PPP2R5E: variants seen among roughly 807,000 people sequenced by gnomAD.
PPP2R5E encodes protein phosphatase 2 regulatory subunit B'epsilon.
PPP2R5E carries 4 observed loss-of-function variants against 65.3 expected under a neutral mutation model. The observed-to-expected ratio is 0.06, with a 90% CI of 0.03 to 0.14. The LOEUF (loss-of-function observed/expected upper bound fraction) is 0.14. PPP2R5E is among the 10% of genes least tolerant of loss of function. PPP2R5E has a pLI of 1.00. For synonymous variants in PPP2R5E, 183 were observed against 187.4 expected, an observed-to-expected ratio of 0.98 and a Z score of 0.19; for missense variants, 274 against 556.1, an observed-to-expected ratio of 0.49 and a Z score of 5.10.
rs1185037875 is a variant in PPP2R5E, at chr14:63,372,822, A to G, written c.*3187T>C. ...GGACTATCCCACGCATAGGAGGTAC[A>G]AAATAAATTAAACCCTTTCATTTAG... is the stretch of plus-strand genomic sequence containing the variant. On this transcript the variant is annotated 3_prime_UTR_variant, in exon 14 of 14. Transcript: ENST00000337537. The G allele has an allele frequency of 1.3e-5, 2 of 152,206 alleles. No homozygotes were observed. The highest frequency in any genetic ancestry group is 2.4e-5 in the African/African-American group (1 of 41,456). The allele number at this position is 152,206 out of a possible 1,614,324, so 9.4% of individuals were successfully genotyped here.
intron 2 of PPP2R5E, among the ~76,000 whole-genome samples, chr14:63,521,586 C>T (rs1381944989): frequency 6.6e-6 from 1 of 152,106 alleles, no homozygotes; most frequent in Non-Finnish European, 1.5e-5. Context: ...TCGCTTGAAC[C>T]CAGGAGGCAG....
chr14:63,391,968 T>A lies in PPP2R5E; in HGVS notation c.903+4A>T. 1.2e-6 allele frequency: 2 copies of A among 1,610,448 alleles called. No individual in the cohort carries two copies. Among genetic ancestry groups the A allele is most frequent in the East Asian group, 2.2e-5 (1 of 44,796 alleles). Reference sequence around the variant, plus strand: ...GTTTTTGAAATTATGGAAAAAAGACTTACTGGTTCTGTGAGTGAAGGATCT... The same window carrying A: ...GTTTTTGAAATTATGGAAAAAAGACATACTGGTTCTGTGAGTGAAGGATCT... On this transcript the variant is annotated splice_donor_region_variant and intron_variant, in intron 9 of 13. Coordinates refer to ENST00000337537, the MANE Select transcript of PPP2R5E (RefSeq NM_006246.5).
chr14:63,385,505 C>T (rs999765992), intron 11 of PPP2R5E, among the ~76,000 whole-genome samples: 8 of 152,156 alleles, frequency 5.3e-5, no homozygotes, highest in African/African-American at 1.7e-4. Context: ...TTTTTCATCA[C>T]ACACACTTAG....
chr14:63,400,355 T>G (rs1050310095), intron 5 of PPP2R5E, among the ~76,000 whole-genome samples: 1 of 151,954 alleles, frequency 6.6e-6, no homozygotes, highest in Non-Finnish European at 1.5e-5. Context: ...AGAAGTGGAG[T>G]GATCAGCAAA....
At chr14:63,478,560 T>C (rs1890525167) in intron 2 of PPP2R5E, among the ~76,000 whole-genome samples, 2 of 150,250 alleles carry the variant, frequency 1.3e-5, no homozygotes, top group African/African-American at 2.5e-5. Context: ...CCTGCAACAG[T>C]ACAGGTAATG....
At chr14:63,513,606 G>T (rs977194085) in intron 2 of PPP2R5E, among the ~76,000 whole-genome samples, 5 of 152,166 alleles carry the variant, frequency 3.3e-5, no homozygotes, top group Non-Finnish European at 7.4e-5. Flanking sequence ...TAGAGGTGGG[G>T]AGGGGTTCCT....
At chr14:63,465,909 T>C (rs1889770640) in intron 2 of PPP2R5E, among the ~76,000 whole-genome samples, 3 of 152,174 alleles carry the variant, frequency 2.0e-5, no homozygotes, top group Admixed American at 2.0e-4. Flanking sequence ...AGAAAAAAGA[T>C]TATTTTTTAT....
intron 2 of PPP2R5E, among the ~76,000 whole-genome samples, chr14:63,525,943 G>A (rs1277673035): frequency 2.6e-5 from 4 of 152,060 alleles, no homozygotes; most frequent in South Asian, 2.1e-4. Context: ...TGCAACCTCC[G>A]CCGCATGGGT....
intron 13 of PPP2R5E, among the ~76,000 whole-genome samples, chr14:63,379,826 C>CTCTCTTTTT (rs528081976): frequency 2.8e-4 from 28 of 100,278 alleles, no homozygotes; most frequent in African/African-American, 1.5e-3. Flanking sequence ...TATTCTCTCT[C>CTCTCTTTTT]TTTTTTTTTT....
intron 2 of PPP2R5E, among the ~76,000 whole-genome samples, chr14:63,493,042 A>T (rs1052500570): frequency 1.3e-5 from 2 of 152,142 alleles, no homozygotes; most frequent in Admixed American, 1.3e-4. Flanking sequence ...CTAGGCAAGG[A>T]ATTCTGATCT....
At chr14:63,437,820 T>A (rs1465242679) in intron 3 of PPP2R5E, among the ~76,000 whole-genome samples, 1 of 152,190 alleles carries the variant, frequency 6.6e-6, no homozygotes, top group Non-Finnish European at 1.5e-5. Context: ...AAAATACACT[T>A]GCTCTCCAAC....
Position 63,374,136 on chromosome 14 carries a change from A to G in PPP2R5E, c.*1873T>C, listed in dbSNP as rs1036349085. ...ATGCCAGTTTTGTTTGTTTTTTTAC[A>G]AAGTTACCGAGATGACAATATCCAT... On this transcript the variant is annotated 3_prime_UTR_variant, in exon 14 of 14. Transcript: ENST00000337537. The G allele has an allele frequency of 1.3e-5, 2 of 149,796 alleles. No homozygotes were observed. Among genetic ancestry groups the G allele is most frequent in the Admixed American group, 6.7e-5 (1 of 15,004 alleles). The allele number at this position is 149,796 out of a possible 1,614,324, so 9.3% of individuals were successfully genotyped here.
At chr14:63,407,894 C>A (rs1409219398) in intron 5 of PPP2R5E, among the ~76,000 whole-genome samples, 3 of 152,204 alleles carry the variant, frequency 2.0e-5, no homozygotes, top group African/African-American at 7.2e-5. Flanking sequence ...AGATGACACT[C>A]GTTAGATGCC....
intron 1 of PPP2R5E, among the ~76,000 whole-genome samples, chr14:63,541,874 G>T (rs1035707437): frequency 2.0e-5 from 3 of 151,798 alleles, no homozygotes; most frequent in African/African-American, 7.3e-5. Flanking sequence ...AATATAATGT[G>T]ATGGATTCAA....
intron 11 of PPP2R5E, among the ~76,000 whole-genome samples, chr14:63,388,647 G>T (rs758595584): frequency 1.3e-5 from 2 of 151,866 alleles, no homozygotes; most frequent in African/African-American, 4.8e-5. Context: ...CTTGCTTTGC[G>T]GTACAACTGC....
At chr14:63,453,595 T>C (rs765553236) in intron 3 of PPP2R5E, 94 bp downstream of exon 3, 22 of 1,221,656 alleles carry the variant, frequency 1.8e-5, no homozygotes, top group African/African-American at 9.1e-5. Context: ...ATTTGTGGAG[T>C]TGACCTCCAA....
chr14:63,457,792 G>A (rs1411242660), intron 2 of PPP2R5E, among the ~76,000 whole-genome samples: 3 of 151,908 alleles, frequency 2.0e-5, no homozygotes, highest in Admixed American at 2.0e-4. Context: ...GAGAATAATT[G>A]ATCCCATTAT....
At chr14:63,475,873 C>T (rs1280386513) in intron 2 of PPP2R5E, among the ~76,000 whole-genome samples, 2 of 152,076 alleles carry the variant, frequency 1.3e-5, no homozygotes, top group South Asian at 2.1e-4. Context: ...TTTTAACCCA[C>T]AGGAAAGCCA....
At chr14:63,502,493 C>G (rs1566747871) in intron 2 of PPP2R5E, among the ~76,000 whole-genome samples, 2 of 151,890 alleles carry the variant, frequency 1.3e-5, no homozygotes, top group Non-Finnish European at 2.9e-5. Context: ...CTGGTGAAAC[C>G]CCATCTCTAT....
Sources: allele counts gnomAD v4.1 joint callset (sites outside exome capture counted in the v4.1 genomes callset), GRCh38; gene constraint gnomAD v4.1.1; transcripts MANE v1.5; gene names NCBI Gene and HGNC (gene_info 2026-07-23, HGNC 2026-07-21).